The following RALGPS1 variants were observed in gnomAD, a reference collection of about 807,000 sequenced individuals.
The protein encoded by RALGPS1 is ras-specific guanine nucleotide-releasing factor RalGPS1.
RALGPS1 carries 19 observed loss-of-function variants against 78.8 expected under a neutral mutation model. That is an observed-to-expected ratio of 0.24 (90% CI 0.17 to 0.35). RALGPS1 has a LOEUF of 0.35. Among genes scored for constraint, RALGPS1 ranks in the 10% least tolerant of loss-of-function variants. RALGPS1 has a pLI of 1.00. For synonymous variants in RALGPS1, 228 were observed against 256.3 expected (o/e 0.89, Z 1.06); for missense variants, 454 against 688.3 (o/e 0.66, Z 3.81).
At chr9:127,141,637 A>AAAG (rs1554842403) in intron 8 of RALGPS1, among the ~76,000 whole-genome samples, 11 of 151,064 alleles carry the variant, frequency 7.3e-5, no homozygotes, top group Non-Finnish European at 1.2e-4. Flanking sequence ...AAAAAAAAAA[A>AAAG]AAAGAAAGAA....
At chr9:127,120,849 G>A (rs982996253) in intron 8 of RALGPS1, among the ~76,000 whole-genome samples, 19 of 151,702 alleles carry the variant, frequency 1.3e-4, no homozygotes, top group Non-Finnish European at 2.2e-4. Context: ...AAAAGAATTC[G>A]TGTCTCTGCT....
intron 1 of RALGPS1, among the ~76,000 whole-genome samples, chr9:126,952,395 CAT>C (rs1358313628): frequency 6.6e-6 from 1 of 152,132 alleles, no homozygotes; most frequent in Non-Finnish European, 1.5e-5. Flanking sequence ...TCCAGTCTGA[CAT>C]GTGCTTACGT....
intron 3 of RALGPS1, among the ~76,000 whole-genome samples, chr9:126,969,475 G>A (rs1157851195): frequency 6.6e-6 from 1 of 152,170 alleles, no homozygotes; most frequent in Non-Finnish European, 1.5e-5. Flanking sequence ...TGTGGCTAGT[G>A]GCTACCATAT....
chr9:127,033,517 C>CA (rs1227997340), intron 4 of RALGPS1, among the ~76,000 whole-genome samples: 4 of 152,070 alleles, frequency 2.6e-5, no homozygotes, highest in Non-Finnish European at 4.4e-5. Context: ...AGGTCAATGG[C>CA]AAAAAACCAA....
chr9:127,195,454 C>T (rs1056959787), intron 12 of RALGPS1, among the ~76,000 whole-genome samples: 3 of 152,226 alleles, frequency 2.0e-5, no homozygotes, highest in Non-Finnish European at 2.9e-5. Flanking sequence ...GTCTCAGGCT[C>T]AGCAGCTGAT....
At chr9:127,181,791 T>C (rs930621280) in intron 11 of RALGPS1, among the ~76,000 whole-genome samples, 1 of 151,940 alleles carries the variant, frequency 6.6e-6, no homozygotes, top group Non-Finnish European at 1.5e-5. Flanking sequence ...ACAGTCGTAA[T>C]TGGAGCATAG....
chr9:127,031,072 G>C (rs10987548), intron 4 of RALGPS1, among the ~76,000 whole-genome samples: 1 of 152,276 alleles, frequency 6.6e-6, no homozygotes, highest in Middle Eastern at 3.4e-3. Context: ...AGGGCTGTGC[G>C]ACAGTCCCTG....
chr9:126,914,989 A>AC lies in RALGPS1; in HGVS notation c.-66+15dup, dbSNP rs1405267210. On this transcript the variant is annotated intron_variant, in intron 1 of 18. Transcript: ENST00000259351. Reference sequence around the variant, plus strand: ...GCCCGCGTCAAGGTGACCGGCCGGGACTGCGGCGGCGGGGAGAGCGGCGGT... The same window carrying AC: ...GCCCGCGTCAAGGTGACCGGCCGGGACCTGCGGCGGCGGGGAGAGCGGCGGT... The AC allele has an allele frequency of 1.3e-5, 2 of 150,310 alleles. No individual in the cohort carries two copies. The highest frequency in any genetic ancestry group is 4.0e-4 in the East Asian group (2 of 5,016). 9.3% of individuals were successfully genotyped at this position (150,310 alleles called of 1,614,324 possible).
intron 18 of RALGPS1, chr9:127,216,873 C>T (rs1447521427): frequency 1.3e-6 from 2 of 1,515,692 alleles, no homozygotes; most frequent in South Asian, 2.6e-5. Flanking sequence ...CTCTTAAGAG[C>T]ATAGCACACT....
chr9:127,130,703 C>A (rs1379171736), intron 8 of RALGPS1, among the ~76,000 whole-genome samples: 1 of 152,200 alleles, frequency 6.6e-6, no homozygotes, highest in African/African-American at 2.4e-5. Context: ...CTTGCAACAA[C>A]CTTATGAGCT....
intron 8 of RALGPS1, among the ~76,000 whole-genome samples, chr9:127,082,148 C>T (rs926872057): frequency 5.9e-5 from 9 of 152,178 alleles, no homozygotes; most frequent in African/African-American, 2.2e-4. Context: ...ACCCAGTTAC[C>T]AGATAATGAG....
intron 4 of RALGPS1, among the ~76,000 whole-genome samples, chr9:126,998,133 C>A (rs931206777): frequency 1.3e-5 from 2 of 152,136 alleles, no homozygotes; most frequent in Admixed American, 6.5e-5. Context: ...ATCTAAAACA[C>A]CAAAAGCAAT....
At chr9:126,958,995 C>T (rs181761957) in intron 1 of RALGPS1, among the ~76,000 whole-genome samples, 85 of 150,900 alleles carry the variant, frequency 5.6e-4, no homozygotes, top group African/African-American at 2.0e-3. Flanking sequence ...GATGTGGTAT[C>T]TCATTATGGT....
At chr9:127,002,631 A>G (rs1404963983) in intron 4 of RALGPS1, among the ~76,000 whole-genome samples, 7 of 123,842 alleles carry the variant, frequency 5.7e-5, no homozygotes, top group Non-Finnish European at 9.5e-5. Flanking sequence ...AGAGTGTGAT[A>G]TTCCCCTTCC....
intron 8 of RALGPS1, among the ~76,000 whole-genome samples, chr9:127,133,898 A>T (rs951878744): frequency 6.6e-6 from 1 of 151,672 alleles, no homozygotes; most frequent in Admixed American, 6.6e-5. Flanking sequence ...TGGGTGTCAG[A>T]TGCTCCTTTC....
intron 4 of RALGPS1, among the ~76,000 whole-genome samples, chr9:127,009,379 C>T (rs1158906513): frequency 6.6e-6 from 1 of 152,182 alleles, no homozygotes; most frequent in African/African-American, 2.4e-5. Flanking sequence ...TTCTCAACAC[C>T]TGTGGCCCAA....
chr9:127,026,963 G>A (rs530659709), intron 4 of RALGPS1, among the ~76,000 whole-genome samples: 2 of 152,172 alleles, frequency 1.3e-5, no homozygotes, highest in African/African-American at 4.8e-5. Context: ...GCGGGTGGGG[G>A]TGCTGGCTGA....
intron 8 of RALGPS1, among the ~76,000 whole-genome samples, chr9:127,118,232 C>T (rs1477840091): frequency 1.1e-4 from 16 of 152,112 alleles, no homozygotes; most frequent in Admixed American, 1.0e-3. Context: ...GTACATGTGA[C>T]AGGCCATCGT....
At chr9:127,092,411 C>T (rs140227458) in intron 8 of RALGPS1, among the ~76,000 whole-genome samples, 87 of 152,088 alleles carry the variant, frequency 5.7e-4, no homozygotes, top group African/African-American at 2.0e-3. Flanking sequence ...CATCCACCGG[C>T]GCTCCCCTCT....
Sources: allele counts gnomAD v4.1 joint callset (sites outside exome capture counted in the v4.1 genomes callset), GRCh38; gene constraint gnomAD v4.1.1; transcripts MANE v1.5; gene names NCBI Gene and HGNC (gene_info 2026-07-23, HGNC 2026-07-21).